Variants in RNF40 observed in about 807,000 individuals in gnomAD.
The protein encoded by RNF40 is E3 ubiquitin-protein ligase BRE1B.
Under a neutral mutation model 123.3 loss-of-function variants are expected in RNF40, and 39 were observed. That is an observed-to-expected ratio of 0.32 (90% confidence interval 0.24 to 0.41). The LOEUF is 0.41. Ranked by LOEUF, RNF40 falls within the 10% of genes least tolerant of loss-of-function variation. The pLI is 1.00. For synonymous variants in RNF40, 538 were observed against 526.0 expected (o/e 1.02, Z -0.31); for missense variants, 1,003 against 1,319.9 (o/e 0.76, Z 3.72).
chr16:30,773,921 G>A lies in RNF40; in HGVS notation c.2830-17G>A. On this transcript the variant is annotated splice_polypyrimidine_tract_variant and intron_variant, in intron 19 of 19. Coordinates refer to ENST00000324685, the MANE Select transcript of RNF40 (RefSeq NM_014771.4). ...CTGTCAGAGTTGTTCCCAAGCTGAT[G>A]CCTTTGCCTGGCCCAGGCGCGGTTG... The A allele has an allele frequency of 6.2e-7, 1 of 1,602,934 alleles. No homozygotes were observed. The highest frequency in any genetic ancestry group is 8.5e-7 in the Non-Finnish European group (1 of 1,171,966).
Position 30,765,221 on chromosome 16 carries a change from A to C in RNF40, c.812A>C (p.Lys271Thr). 1 of 1,614,218 alleles carries C rather than the reference A, an allele frequency of 6.2e-7. No individual in the cohort carries two copies. Among genetic ancestry groups the C allele is most frequent in the Non-Finnish European group, 8.5e-7 (1 of 1,180,036 alleles). The change falls in exon 7 of 20, where the codon AAG becomes ACG. Residue 271 changes from lysine to threonine, a missense_variant. Transcript: ENST00000324685. ...LQDKVTSAET[K>T]VLEMETTVED... ...GATAAAGTGACATCGGCAGAGACCAAGGTGCTGGAGATGGAGACAACAGTG... is the reference window on the plus strand; with the variant it reads ...GATAAAGTGACATCGGCAGAGACCACGGTGCTGGAGATGGAGACAACAGTG...
In RNF40 at chr16:30,764,261, G is replaced by A. The variant is rs2053986331; in HGVS notation, c.525G>A (p.Glu175=). 1 of 1,613,278 alleles carries A rather than the reference G, an allele frequency of 6.2e-7. No individual in the cohort carries two copies. The highest frequency in any genetic ancestry group is 1.1e-5 in the South Asian group (1 of 90,864). ...FVVALGASSS[E]EVELELQGRM... ...TGGCACTGGGTGCCAGCAGCAGTGA[G>A]GAGGTGGAGCTGGAGCTGCAAGGCC... is the stretch of plus-strand genomic sequence containing the variant. The change falls in exon 5 of 20, where the codon GAG becomes GAA. Residue 175 remains glutamate, a synonymous_variant. Coordinates refer to ENST00000324685, the MANE Select transcript of RNF40 (RefSeq NM_014771.4).
At chr16:30,773,768 C>T (rs2054187177) in intron 19 of RNF40, 170 bp from the exon 20 acceptor site, 2 of 605,434 alleles carry the variant, frequency 3.3e-6, no homozygotes, top group South Asian at 4.9e-5. Flanking sequence ...ACCTTGGCCT[C>T]TGCACCTCAG....
upstream of RNF40, chr16:30,761,673 G>A (rs1053987760): frequency 6.5e-7 from 1 of 1,535,854 alleles, no homozygotes; most frequent in Non-Finnish European, 8.7e-7. Flanking sequence ...CCCGCTTCCC[G>A]CCGCAGCTCG....
Position 30,768,395 on chromosome 16 carries a change from G to A in RNF40, c.1844G>A (p.Arg615Gln), listed in dbSNP as rs7195142. ...GAGGCCAGGCCCAAGCGGGAGCTTC[G>A]GGAACGGGAAGGTCCCAGCCTAGGA... ...EPEARPKREL[R>Q]EREGPSLGPP... is the part of the protein sequence containing the mutation. Residue 615 changes from arginine to glutamine, a missense_variant, in exon 13 of 20, where the codon CGG becomes CAG. Coordinates refer to ENST00000324685, the MANE Select transcript of RNF40 (RefSeq NM_014771.4). The surrounding 1 kb of genome is among the most constrained non-coding windows in gnomAD (Gnocchi z 4.1). 6 of 1,613,694 alleles carry A rather than the reference G, an allele frequency of 3.7e-6. No individual in the cohort carries two copies. The highest frequency in any genetic ancestry group is 1.7e-4 in the Middle Eastern group (1 of 6,060).
Position 30,764,363 on chromosome 16 carries a change from C to T in RNF40, c.627C>T (p.Leu209=), listed in dbSNP as rs140350331. The T allele has an allele frequency of 5.7e-4, 925 of 1,613,358 alleles. 1 individual carries two copies. Among genetic ancestry groups the T allele is most frequent in the Admixed American group, 1.1e-3 (63 of 59,996 alleles). Residue 209 remains leucine, a synonymous_variant, in exon 5 of 20, where the codon CTC becomes CTT. Transcript: ENST00000324685. ...GCCTACAGCGCCGGGTGGAGGAACT[C>T]TGTCAGCGAGTGTACAGCCGAGGTG... The part of the protein sequence containing the change: ...SDRLQRRVEE[L]CQRVYSRGDS...
At chr16:30,773,044 C>A (rs2054174728) in intron 19 of RNF40, among the ~76,000 whole-genome samples, 1 of 152,026 alleles carries the variant, frequency 6.6e-6, no homozygotes, top group African/African-American at 2.4e-5. Flanking sequence ...GGTTAGGAGG[C>A]CTGCGGGGGA....
At position 30,766,936 on chromosome 16, in the gene RNF40, G is replaced by C. The variant is rs1010124069; in HGVS notation, c.1429+60G>C. The C allele has an allele frequency of 6.3e-7, 1 of 1,582,164 alleles. No individual in the cohort carries two copies. Reference sequence around the variant, plus strand: ...ATCTGGGAGTGCTGGGCCCTGGTGTGGGGCTGCTGCTTATCCAGATGCAAG... The same window carrying C: ...ATCTGGGAGTGCTGGGCCCTGGTGTCGGGCTGCTGCTTATCCAGATGCAAG... On this transcript the variant is annotated intron_variant, in intron 11 of 19. Transcript: ENST00000324685. The surrounding 1 kb of genome is among the most constrained non-coding windows in gnomAD (Gnocchi z 5.4).
chr16:30,772,357 C>G, intron 19 of RNF40, 167 bp downstream of exon 19: 1 of 705,512 alleles, frequency 1.4e-6, no homozygotes, highest in Non-Finnish European at 2.6e-6. Context: ...GTACTGTGAG[C>G]CAGGCACAGT....
At chr16:30,763,679 C>A (rs2053948394) in intron 4 of RNF40, 120 bp downstream of exon 4, 2 of 1,078,690 alleles carry the variant, frequency 1.9e-6, no homozygotes, top group Non-Finnish European at 2.7e-6. Context: ...AAATGGATTT[C>A]ATGTTTGGGC....
At position 30,769,038 on chromosome 16, in the gene RNF40, A is replaced by G. The variant is rs370426548; in HGVS notation, c.2247+51A>G. ...TCGGAGCGCAGGGAGTTCCCTTCAT[A>G]CCCTGTTTGGTGCCTCTAGTGCCTG... On this transcript the variant is annotated intron_variant, in intron 15 of 19. Coordinates refer to ENST00000324685, the MANE Select transcript of RNF40 (RefSeq NM_014771.4). 7.0e-4 allele frequency: 1,122 copies of G among 1,610,884 alleles called. 2 individuals carry two copies. The highest frequency in any genetic ancestry group is 8.7e-4 in the Non-Finnish European group (1,021 of 1,177,918).
rs756137390 is a variant in RNF40 at position 30,768,992 on chromosome 16, G to A, written c.2247+5G>A. 26 of 1,613,722 alleles carry A rather than the reference G, an allele frequency of 1.6e-5. No homozygotes were observed. The highest frequency in any genetic ancestry group is 4.0e-5 in the African/African-American group (3 of 74,932). On this transcript the variant is annotated splice_donor_5th_base_variant and intron_variant, in intron 15 of 19. Coordinates refer to ENST00000324685, the MANE Select transcript of RNF40 (RefSeq NM_014771.4). The surrounding 1 kb of genome is among the most constrained non-coding windows in gnomAD (Gnocchi z 4.1). ...AAGCTGGGTGCCACCAAGCAGGTGC[G>A]GCCCATGTGGTGCCCTCGCGTCGGA...
rs781076106 is a variant in RNF40, at chr16:30,768,323, G to T, written c.1772G>T (p.Gly591Val). The T allele has an allele frequency of 4.3e-6, 7 of 1,613,572 alleles. No individual in the cohort carries two copies. In the African/African-American group the frequency reaches 5.3e-5, roughly 12 times the overall value. ...GTCCCCTCTGAAGAGGACTTCCAGG[G>T]TATAACCCCTGGGGCCCAGGGCCCT... ...ELVPSEEDFQ[G>V]ITPGAQGPSS... The change falls in exon 13 of 20, where the codon GGT becomes GTT. Residue 591 changes from glycine to valine, a missense_variant. This residue lies in a region of RNF40 where 295 missense variants were observed against 331.7 expected (regional missense o/e 0.89). Coordinates refer to ENST00000324685, the MANE Select transcript of RNF40 (RefSeq NM_014771.4). The surrounding 1 kb of genome is among the most constrained non-coding windows in gnomAD (Gnocchi z 4.1).
At chr16:30,765,612 C>A in intron 8 of RNF40, 113 bp downstream of exon 8, 1 of 912,678 alleles carries the variant, frequency 1.1e-6, no homozygotes, top group Non-Finnish European at 1.7e-6. Context: ...CCTGGTCACT[C>A]CTGCTGCTCT....
rs763419018 is a variant in RNF40, at chr16:30,764,344, A to G, written c.608A>G (p.Gln203Arg). 6.2e-7 allele frequency: 1 copy of G among 1,613,810 alleles called. No homozygotes were observed. The highest frequency in any genetic ancestry group is 8.5e-7 in the Non-Finnish European group (1 of 1,179,996). ...SRVVEASDRLQRRVEELCQRV... is the reference protein window; with the variant it reads ...SRVVEASDRLRRRVEELCQRV... ...GTGGTAGAGGCCTCAGACCGCCTACAGCGCCGGGTGGAGGAACTCTGTCAG... is the reference window on the plus strand; with the variant it reads ...GTGGTAGAGGCCTCAGACCGCCTACGGCGCCGGGTGGAGGAACTCTGTCAG... The change falls in exon 5 of 20, where the codon CAG (glutamine) becomes CGG (arginine). Residue 203 changes from glutamine (Q) to arginine (R), a missense_variant. Physicochemically the swap from Gln to Arg is conservative, Grantham distance 43. Coordinates refer to ENST00000324685, the MANE Select transcript of RNF40 (RefSeq NM_014771.4).
At chr16:30,764,786 C>T in intron 5 of RNF40, 152 bp from the exon 6 acceptor site, 1 of 1,113,652 alleles carries the variant, frequency 9.0e-7, no homozygotes, top group Non-Finnish European at 1.3e-6. Context: ...GTTTCCTTCT[C>T]TGTGCAGTGG....
chr16:30,771,782 C>T (rs2151334367), intron 17 of RNF40, 51 bp from the exon 18 acceptor site: 1 of 1,511,186 alleles, frequency 6.6e-7, no homozygotes, highest in Non-Finnish European at 8.9e-7. Flanking sequence ...CTCCACATGC[C>T]TGAGTCACCA....
intron 8 of RNF40, among the ~76,000 whole-genome samples, chr16:30,765,919 G>C (rs1036518764): frequency 2.0e-5 from 3 of 152,088 alleles, no homozygotes; most frequent in Non-Finnish European, 4.4e-5. Flanking sequence ...AGCACTTTAG[G>C]CCTTTCTGGA....
chr16:30,771,792 A>G, intron 17 of RNF40, 41 bp from the exon 18 acceptor site: 1 of 1,516,930 alleles, frequency 6.6e-7, no homozygotes, highest in Admixed American at 2.2e-5. Context: ...CTGAGTCACC[A>G]GGCTCAGACC....
Sources: gnomAD v4.1 joint callset for allele counts (sites outside exome capture counted in the v4.1 genomes callset) on GRCh38, gnomAD v4.1.1 for gene constraint, gnomAD v4.1.1 regional missense constraint, Gnocchi (gnomAD v3.1) non-coding constraint, MANE v1.5 for transcripts, NCBI Gene and HGNC (gene_info 2026-07-23, HGNC 2026-07-21) for gene names.